ABLIM2: variants seen among roughly 807,000 people sequenced by gnomAD.
The protein encoded by ABLIM2 is actin binding LIM protein family member 2, also known as actin-binding LIM protein 2.
A neutral mutation model predicts 97.7 loss-of-function variants in ABLIM2; 53 were observed. The ratio of observed to expected loss-of-function variants is 0.54; its 90% CI spans 0.44 to 0.68. The LOEUF is 0.68. Ranked by LOEUF, ABLIM2 falls within the 30% of genes least tolerant of loss-of-function variation. ABLIM2 has a pLI of 0.00. For missense variants in ABLIM2, 835 were observed against 867.2 expected (o/e 0.96, Z 0.47); for synonymous variants, 361 against 345.8 (o/e 1.04, Z -0.49).
chr4:7,974,404 C>CATCCATCCACCA (rs1418977353), intron 20 of ABLIM2, among the ~76,000 whole-genome samples: 1 of 129,868 alleles, frequency 7.7e-6, no homozygotes, highest in East Asian at 2.0e-4. Context: ...TCCATCCACC[C>CATCCATCCACCA]ATCCATCCAC....
rs764565188 is a variant in ABLIM2, at chr4:8,072,378, G to A, written c.675+5250C>T. Among the ~76,000 whole-genome samples the A allele has an allele frequency of 6.6e-6, 1 of 152,224 alleles. No individual in the cohort carries two copies. Among genetic ancestry groups the A allele is most frequent in the African/African-American group, 2.4e-5 (1 of 41,464 alleles). ...CCCAGTGCGGAGCGTGCCTGAGGCAGAGCAGCCCCAGTTTGGGTGGGGTCT... is the reference window on the plus strand; with the variant it reads ...CCCAGTGCGGAGCGTGCCTGAGGCAAAGCAGCCCCAGTTTGGGTGGGGTCT... On this transcript the variant is annotated intron_variant, in intron 6 of 20. Coordinates refer to ENST00000447017, the MANE Select transcript of ABLIM2 (RefSeq NM_001130083.2). This position sits in a 1 kb window ranked among gnomAD's most constrained non-coding sequence, Gnocchi z 5.8.
chr4:8,007,231 C>G, intron 16 of ABLIM2: 1 of 985,410 alleles, frequency 1.0e-6, no homozygotes, highest in Non-Finnish European at 1.2e-6. Context: ...ACACACATAC[C>G]CAGTTCCAGT....
At chr4:7,989,027 A>C (rs1381819576) in intron 17 of ABLIM2, among the ~76,000 whole-genome samples, 1 of 139,464 alleles carries the variant, frequency 7.2e-6, no homozygotes, top group Non-Finnish European at 1.6e-5. Context: ...GTACTATTTA[A>C]TTTTTCTGTG....
Position 8,147,785 on chromosome 4 carries a change from A to T in ABLIM2, c.10+10895T>A, listed in dbSNP as rs1396713105. Reference sequence around the variant, plus strand: ...TGCTGGCCTCCAGAGCTGGGAGGAAATGCCTTCTCTTGCTTTAAGCCTCCC... The same window carrying T: ...TGCTGGCCTCCAGAGCTGGGAGGAATTGCCTTCTCTTGCTTTAAGCCTCCC... On this transcript the variant is annotated intron_variant, in intron 1 of 20. Transcript: ENST00000447017. The surrounding 1 kb of genome is among the most constrained non-coding windows in gnomAD (Gnocchi z 5.3). Among the ~76,000 whole-genome samples, 1 of 152,186 alleles carries T rather than the reference A, an allele frequency of 6.6e-6. No homozygotes were observed. Among genetic ancestry groups the T allele is most frequent in the Non-Finnish European group, 1.5e-5 (1 of 68,028 alleles).
In ABLIM2 at chr4:8,085,624, C is replaced by T. The variant is rs1336364534; in HGVS notation, c.454+2545G>A. 1.3e-5 allele frequency among the ~76,000 whole-genome samples: 2 copies of T among 149,618 alleles called. No individual in the cohort carries two copies. The highest frequency in any genetic ancestry group is 4.9e-5 in the African/African-American group (2 of 40,482). On this transcript the variant is annotated intron_variant, in intron 4 of 20. Transcript: ENST00000447017. This position sits in a 1 kb window ranked among gnomAD's most constrained non-coding sequence, Gnocchi z 6.1. ...GGTCTGGGGGGTGCCCACGCTGCAG[C>T]CCTGTCCACTCACGCAGGTCTGGGG...
At chr4:8,152,953 ACGGAG>A (rs1713575964) in intron 1 of ABLIM2, among the ~76,000 whole-genome samples, 1 of 152,174 alleles carries the variant, frequency 6.6e-6, no homozygotes, top group East Asian at 1.9e-4. Context: ...GGTAGGTTTT[ACGGAG>A]CCCTACCCAG....
chr4:8,010,490 C>A (rs1031556498), intron 14 of ABLIM2: 2 of 985,940 alleles, frequency 2.0e-6, no homozygotes, highest in African/African-American at 3.5e-5. Context: ...TCCTGCACCA[C>A]CAAGGACAAG....
chr4:8,035,936 C>G (rs1205878654), intron 10 of ABLIM2, among the ~76,000 whole-genome samples: 1 of 152,250 alleles, frequency 6.6e-6, no homozygotes, highest in East Asian at 1.9e-4. Context: ...ACTCCTTCAG[C>G]AACGGCAGCT....
chr4:8,012,218 C>T (rs1692292063), intron 14 of ABLIM2, among the ~76,000 whole-genome samples: 1 of 150,248 alleles, frequency 6.7e-6, no homozygotes, highest in Non-Finnish European at 1.5e-5. Context: ...CCTATACATC[C>T]ATCTGTCCAT....
intron 1 of ABLIM2, among the ~76,000 whole-genome samples, chr4:8,156,024 G>T (rs2152966642): frequency 6.6e-6 from 1 of 152,310 alleles, no homozygotes; most frequent in South Asian, 2.1e-4. Flanking sequence ...TTAGTACTTT[G>T]TTATGGAGCA....
At chr4:8,080,901 C>A in intron 4 of ABLIM2, 99 bp from the exon 5 acceptor site, 3 of 1,434,126 alleles carry the variant, frequency 2.1e-6, no homozygotes, top group South Asian at 1.4e-5. Context: ...CTGGGGCAGC[C>A]GGGAGGGGCG....
rs1774217759 is a variant in ABLIM2 at position 8,022,221 on chromosome 4, T to C, written c.1268-1918A>G. On this transcript the variant is annotated intron_variant, in intron 12 of 20. Coordinates refer to ENST00000447017, the MANE Select transcript of ABLIM2 (RefSeq NM_001130083.2). This position sits in a 1 kb window ranked among gnomAD's most constrained non-coding sequence, Gnocchi z 7.8. The stretch of plus-strand genomic sequence containing the variant: ...GTGCTCTTGGCACAGCTCGTGGACC[T>C]GGGAGGCCAGGAAGGGCTGGTTTCT... 6.6e-6 allele frequency among the ~76,000 whole-genome samples: 1 copy of C among 152,194 alleles called. No individual in the cohort carries two copies. The highest frequency in any genetic ancestry group is 6.5e-5 in the Admixed American group (1 of 15,284).
chr4:7,988,055 G>A (rs930925291), intron 17 of ABLIM2, among the ~76,000 whole-genome samples: 3 of 152,198 alleles, frequency 2.0e-5, no homozygotes, highest in South Asian at 2.1e-4. Flanking sequence ...CCAGAGTCTC[G>A]CTCTGTCACC....
intron 1 of ABLIM2, among the ~76,000 whole-genome samples, chr4:8,107,252 T>C (rs1837922013): frequency 6.6e-6 from 1 of 152,224 alleles, no homozygotes; most frequent in African/African-American, 2.4e-5. Flanking sequence ...TCAGGATGGA[T>C]GGTCACAGGG....
At chr4:8,088,770 C>T (rs564916233) in intron 3 of ABLIM2, among the ~76,000 whole-genome samples, 26 of 152,346 alleles carry the variant, frequency 1.7e-4, no homozygotes, top group African/African-American at 6.3e-4. Context: ...TAACCCCACG[C>T]CATTCAACCT....
intron 1 of ABLIM2, among the ~76,000 whole-genome samples, chr4:8,108,180 G>A (rs1838396537): frequency 6.6e-6 from 1 of 152,236 alleles, no homozygotes; most frequent in African/African-American, 2.4e-5. Context: ...CAGATAGGTG[G>A]GGGACGCAGG....
intron 1 of ABLIM2, among the ~76,000 whole-genome samples, chr4:8,110,045 C>G (rs776255423): frequency 3.9e-5 from 6 of 152,204 alleles, no homozygotes; most frequent in East Asian, 3.9e-4. Flanking sequence ...CAGTGCAGAA[C>G]GAGGATTAGA....
At chr4:8,055,035 A>G (rs1473509954) in intron 7 of ABLIM2, among the ~76,000 whole-genome samples, 1 of 150,340 alleles carries the variant, frequency 6.7e-6, no homozygotes, top group African/African-American at 2.4e-5. Flanking sequence ...AACTACCCCA[A>G]GTCTTTGTTT....
intron 1 of ABLIM2, among the ~76,000 whole-genome samples, chr4:8,137,673 C>T (rs1850380730): frequency 6.6e-6 from 1 of 152,240 alleles, no homozygotes; most frequent in Non-Finnish European, 1.5e-5. Flanking sequence ...GAGCACAGGG[C>T]TCACAGGCCA....
Sources: allele counts gnomAD v4.1 joint callset (sites outside exome capture counted in the v4.1 genomes callset), GRCh38; gene constraint gnomAD v4.1.1; non-coding constraint Gnocchi (gnomAD v3.1); transcripts MANE v1.5; gene names NCBI Gene and HGNC (gene_info 2026-07-23, HGNC 2026-07-21).